XKR4: variants seen among roughly 807,000 people sequenced by gnomAD.
XKR4 encodes XK-related protein 4.
A neutral mutation model predicts 53.9 loss-of-function variants in XKR4; 12 were observed. The observed-to-expected ratio is 0.22, with a 90% confidence interval of 0.14 to 0.36. The LOEUF (loss-of-function observed/expected upper bound fraction) is 0.36. XKR4 is among the 10% of genes least tolerant of loss of function. The probability of loss-of-function intolerance (pLI) is 1.00; values close to 1 mark genes in which losing one functional copy is unlikely to be tolerated. For missense variants in XKR4, 799 were observed against 859.5 expected, an observed-to-expected ratio of 0.93 and a Z score of 0.88; for synonymous variants, 354 against 362.4, an observed-to-expected ratio of 0.98 and a Z score of 0.26.
intron 1 of XKR4, among the ~76,000 whole-genome samples, chr8:55,193,168 A>G (rs1213594449): frequency 6.6e-6 from 1 of 152,102 alleles, no homozygotes; most frequent in Non-Finnish European, 1.5e-5. Context: ...TACCCGTCGA[A>G]CTGTGTGTTG....
chr8:55,118,898 C>T (rs1379964331), intron 1 of XKR4, among the ~76,000 whole-genome samples: 1 of 151,944 alleles, frequency 6.6e-6, no homozygotes, highest in Non-Finnish European at 1.5e-5. Flanking sequence ...TTCTAATTTA[C>T]TTAGATTTTT....
intron 1 of XKR4, among the ~76,000 whole-genome samples, chr8:55,138,389 G>C (rs1237799230): frequency 5.3e-5 from 8 of 152,204 alleles, no homozygotes; most frequent in Non-Finnish European, 4.4e-5. Flanking sequence ...AGAGAGAGGA[G>C]CTGGGCAAAG....
chr8:55,228,208 G>A (rs1254781137), intron 1 of XKR4, among the ~76,000 whole-genome samples: 2 of 152,240 alleles, frequency 1.3e-5, no homozygotes, highest in South Asian at 2.1e-4. Flanking sequence ...CAGTGCACCC[G>A]GCCATGTCAT....
chr8:55,452,412 G>T, intron 2 of XKR4: 1 of 627,260 alleles, frequency 1.6e-6, no homozygotes, highest in South Asian at 1.7e-5. Flanking sequence ...GGCGCCCTCA[G>T]CTGGGAGCAG....
chr8:55,342,055 A>G (rs1803556365), intron 1 of XKR4, among the ~76,000 whole-genome samples: 1 of 151,986 alleles, frequency 6.6e-6, no homozygotes, highest in African/African-American at 2.4e-5. Flanking sequence ...ATATTTAAAA[A>G]GCATGTCAAA....
chr8:55,262,527 A>G (rs181239499), intron 1 of XKR4, among the ~76,000 whole-genome samples: 1 of 152,344 alleles, frequency 6.6e-6, no homozygotes, highest in African/African-American at 2.4e-5. Context: ...GTCCTTAAAG[A>G]AGATAACGGA....
At chr8:55,239,615 C>T (rs1179650243) in intron 1 of XKR4, among the ~76,000 whole-genome samples, 1 of 152,198 alleles carries the variant, frequency 6.6e-6, no homozygotes, top group South Asian at 2.1e-4. Context: ...TCTATATAGA[C>T]ATTCTTCTAA....
At position 55,103,202 on chromosome 8, in the gene XKR4, G is replaced by A. The variant is rs1242142965; in HGVS notation, c.714G>A (p.Arg238=). Residue 238 remains arginine, a synonymous_variant, in exon 1 of 3, where the codon CGG becomes CGA. Transcript: ENST00000327381. ...GCAGCAACAGCAGCGGGGCTACCCG[G>A]GCCAGTGGCAAGCACAGGTCTGCGT... The part of the protein sequence containing the change: ...NSGSNSSGAT[R]ASGKHRSASC... The A allele has an allele frequency of 6.2e-7, 1 of 1,614,054 alleles. No homozygotes were observed. The highest frequency in any genetic ancestry group is 8.5e-7 in the Non-Finnish European group (1 of 1,180,036).
At chr8:55,367,500 T>C (rs1190459740) in intron 2 of XKR4, among the ~76,000 whole-genome samples, 2 of 152,182 alleles carry the variant, frequency 1.3e-5, no homozygotes, top group African/African-American at 2.4e-5. Flanking sequence ...AGAGTGAAAT[T>C]GCTGAGTCAT....
intron 1 of XKR4, among the ~76,000 whole-genome samples, chr8:55,308,562 G>A (rs117613764): frequency 0.018 from 2,784 of 152,204 alleles, 49 homozygotes; most frequent in Non-Finnish European, 0.029. Flanking sequence ...TTGACACGTG[G>A]ATATTATGGG....
chr8:55,522,732 AGCCTCCG>A (rs1806814394), intron 2 of XKR4, among the ~76,000 whole-genome samples: 1 of 152,218 alleles, frequency 6.6e-6, no homozygotes, highest in Non-Finnish European at 1.5e-5. Flanking sequence ...CAGTTCTGAC[AGCCTCCG>A]GTCCATGGTT....
At chr8:55,470,641 T>A (rs983109896) in intron 2 of XKR4, among the ~76,000 whole-genome samples, 2 of 152,152 alleles carry the variant, frequency 1.3e-5, no homozygotes, top group African/African-American at 4.8e-5. Flanking sequence ...TCAAATTTTT[T>A]AAAGCAAGGC....
rs1014855498 is a variant in XKR4 at position 55,449,451 on chromosome 8, C to T, written c.1007-73830C>T. 7.3e-6 allele frequency: 6 copies of T among 827,006 alleles called. 1 individual carries two copies. The Admixed American group carries it at 1.3e-4, about 18-fold the overall frequency. The allele number at this position is 827,006 out of a possible 1,614,324, so 51.2% of individuals were successfully genotyped here. A position where few individuals can be genotyped will look rare whatever the true frequency, so the allele number is the denominator to read the frequency against. Reference sequence around the variant, plus strand: ...TGTAAACATGGCCAGGGCTGCCCTGCCCACCCCTAGTGGTCGGTAACGACT... The same window carrying T: ...TGTAAACATGGCCAGGGCTGCCCTGTCCACCCCTAGTGGTCGGTAACGACT... On this transcript the variant is annotated intron_variant, in intron 2 of 2. Coordinates refer to ENST00000327381, the MANE Select transcript of XKR4 (RefSeq NM_052898.2).
intron 2 of XKR4, among the ~76,000 whole-genome samples, chr8:55,395,796 G>GA (rs779394822): frequency 3.0e-4 from 46 of 152,290 alleles, no homozygotes; most frequent in Admixed American, 1.4e-3. Flanking sequence ...AAGGAACAGT[G>GA]AAAAAACTGC....
At chr8:55,323,728 G>C in intron 1 of XKR4, among the ~76,000 whole-genome samples, 1 of 152,166 alleles carries the variant, frequency 6.6e-6, no homozygotes, top group Admixed American at 6.5e-5. Context: ...TTCTCAGTAT[G>C]AGACTGTGGA....
At chr8:55,186,193 G>T (rs760587864) in intron 1 of XKR4, among the ~76,000 whole-genome samples, 27 of 152,044 alleles carry the variant, frequency 1.8e-4, no homozygotes, top group Non-Finnish European at 3.5e-4. Context: ...TATCAAAACT[G>T]CTAATTTGTA....
At chr8:55,260,469 C>T (rs573049314) in intron 1 of XKR4, among the ~76,000 whole-genome samples, 3 of 152,220 alleles carry the variant, frequency 2.0e-5, no homozygotes, top group Admixed American at 6.5e-5. Context: ...TGTAAATATC[C>T]GAGGTTCGTT....
Position 55,102,768 on chromosome 8 carries a change from G to C in XKR4, c.280G>C (p.Ala94Pro). Residue 94 changes from alanine to proline, a missense_variant, in exon 1 of 3, where the codon GCT becomes CCT. By Grantham distance (27) the Ala-to-Pro change is conservative. Around this residue, in one of 3 missense-constraint regions of XKR4, gnomAD observed 476 missense variants for 505.4 expected, o/e 0.94. Coordinates refer to ENST00000327381, the MANE Select transcript of XKR4 (RefSeq NM_052898.2). This position sits in a 1 kb window ranked among gnomAD's most constrained non-coding sequence, Gnocchi z 5.1. ...CCCGGGCGGCGGCGGGGCGGGCTCG[G>C]CTGCGCTGTGCCTGCGCCTGGGCAG... is the stretch of plus-strand genomic sequence containing the variant. ...AGPGGGGAGS[A>P]ALCLRLGREQ... is the part of the protein sequence containing the mutation. The C allele has an allele frequency of 6.6e-7, 1 of 1,505,000 alleles. No individual in the cohort carries two copies. The highest frequency in any genetic ancestry group is 1.3e-5 in the South Asian group (1 of 78,368). The allele number at this position is 1,505,000 out of a possible 1,614,324, so 93.2% of individuals were successfully genotyped here. A position where few individuals can be genotyped will look rare whatever the true frequency, so the allele number is the denominator to read the frequency against.
At chr8:55,136,008 C>T (rs1816623965) in intron 1 of XKR4, among the ~76,000 whole-genome samples, 1 of 152,018 alleles carries the variant, frequency 6.6e-6, no homozygotes, top group Non-Finnish European at 1.5e-5. Context: ...ATGCTCCCAC[C>T]TCAGTCTCCC....
Sources: gnomAD v4.1 joint callset for allele counts (sites outside exome capture counted in the v4.1 genomes callset) on GRCh38, gnomAD v4.1.1 for gene constraint, gnomAD v4.1.1 regional missense constraint, Gnocchi (gnomAD v3.1) non-coding constraint, MANE v1.5 for transcripts, NCBI Gene and HGNC (gene_info 2026-07-23, HGNC 2026-07-21) for gene names.